Variants in ZNF385D observed in about 807,000 individuals in gnomAD.
ZNF385D encodes the protein zinc finger protein 385D, also known as zinc finger protein 659.
Under a neutral mutation model 35.8 loss-of-function variants are expected in ZNF385D, and 15 were observed. That is an observed-to-expected ratio of 0.42 (90% CI 0.28 to 0.64). ZNF385D has a LOEUF of 0.64. Among genes scored for constraint, ZNF385D ranks in the 30% least tolerant of loss-of-function variants. The pLI is 0.23. For synonymous variants in ZNF385D, 212 were observed against 186.8 expected, an observed-to-expected ratio of 1.13 and a Z score of -1.10; for missense variants, 474 against 494.6, an observed-to-expected ratio of 0.96 and a Z score of 0.39.
chr3:21,734,960 G>A (rs1023514424), intron 1 of ZNF385D, among the ~76,000 whole-genome samples: 2 of 152,148 alleles, frequency 1.3e-5, no homozygotes, highest in African/African-American at 4.8e-5. Flanking sequence ...TCATGCCTTT[G>A]GGACTCGTGT....
At chr3:21,712,587 A>G (rs956222682) in intron 1 of ZNF385D, among the ~76,000 whole-genome samples, 2 of 152,234 alleles carry the variant, frequency 1.3e-5, no homozygotes, top group Non-Finnish European at 2.9e-5. Flanking sequence ...ACACCGCTGT[A>G]AAATGACTTG....
intron 3 of ZNF385D, among the ~76,000 whole-genome samples, chr3:21,524,887 T>A (rs1229498244): frequency 1.3e-5 from 2 of 152,198 alleles, no homozygotes; most frequent in Admixed American, 1.3e-4. Flanking sequence ...ATATCTGAAC[T>A]AAGACTATTA....
chr3:22,289,970 C>G (rs1017665182), intron 2 of ZNF385D, among the ~76,000 whole-genome samples: 3 of 152,102 alleles, frequency 2.0e-5, no homozygotes, highest in African/African-American at 4.8e-5. Context: ...GAAAAAAACC[C>G]TCTATGGAAA....
Position 21,437,012 on chromosome 3 carries a change from C to T in ZNF385D, c.631G>A (p.Val211Ile). ...KRLLYCSLCKVAVNSASQLEA... is the reference protein window; with the variant it reads ...KRLLYCSLCKIAVNSASQLEA... ...AGCTGCGAGGCAGAGTTGACAGCAACCTTGCATAGCGAACAGTAAAGAAGC... is the reference window on the plus strand; with the variant it reads ...AGCTGCGAGGCAGAGTTGACAGCAATCTTGCATAGCGAACAGTAAAGAAGC... The change falls in exon 5 of 8, where the codon GTT becomes ATT. Residue 211 changes from valine to isoleucine, a missense_variant. Val to Ile is a conservative substitution (Grantham distance 29, BLOSUM62 3). Transcript: ENST00000281523. 6.2e-7 allele frequency: 1 copy of T among 1,613,948 alleles called. No homozygotes were observed. The highest frequency in any genetic ancestry group is 8.5e-7 in the Non-Finnish European group (1 of 1,179,886).
At chr3:21,659,287 A>T (rs1255725919) in intron 2 of ZNF385D, among the ~76,000 whole-genome samples, 1 of 152,160 alleles carries the variant, frequency 6.6e-6, no homozygotes, top group African/African-American at 2.4e-5. Context: ...TTAAGTAGTC[A>T]CATTTTTCAA....
intron 4 of ZNF385D, among the ~76,000 whole-genome samples, chr3:21,442,340 G>A (rs1010784749): frequency 5.3e-5 from 8 of 152,144 alleles, no homozygotes; most frequent in African/African-American, 1.9e-4. Context: ...ATGTTTTCCT[G>A]TAGATTGAAG....
chr3:22,084,066 A>G (rs1019822726), intron 3 of ZNF385D, among the ~76,000 whole-genome samples: 23 of 152,218 alleles, frequency 1.5e-4, no homozygotes, highest in Admixed American at 2.6e-4. Flanking sequence ...CTGTCTTACA[A>G]GAGCTCCTGA....
chr3:22,097,956 A>T (rs981200376), intron 3 of ZNF385D, among the ~76,000 whole-genome samples: 1 of 152,056 alleles, frequency 6.6e-6, no homozygotes, highest in Non-Finnish European at 1.5e-5. Flanking sequence ...TTGAACAAGG[A>T]TCATACTAAT....
At chr3:21,497,891 C>T (rs576269459) in intron 4 of ZNF385D, among the ~76,000 whole-genome samples, 6 of 151,938 alleles carry the variant, frequency 3.9e-5, no homozygotes, top group Non-Finnish European at 7.4e-5. Context: ...TCTTACGGAA[C>T]CAGAAAAGAA....
chr3:21,968,219 C>T (rs576478072), intron 3 of ZNF385D, among the ~76,000 whole-genome samples: 6 of 152,216 alleles, frequency 3.9e-5, no homozygotes, highest in Admixed American at 3.3e-4. Context: ...GCATTTAGAC[C>T]AGCCGTAGCC....
At chr3:22,210,820 C>T (rs539355979) in intron 2 of ZNF385D, among the ~76,000 whole-genome samples, 1 of 145,956 alleles carries the variant, frequency 6.9e-6, no homozygotes, top group South Asian at 2.1e-4. Context: ...TACTTGAAAG[C>T]AGGCCAAAAT....
intron 5 of ZNF385D, 24 bp from the exon 6 acceptor site, chr3:21,425,694 G>A: frequency 2.0e-6 from 3 of 1,478,494 alleles, no homozygotes; most frequent in Non-Finnish European, 1.8e-6. Flanking sequence ...TGAAATGAAG[G>A]AAGGAAAGGA....
chr3:22,216,432 T>C (rs1697889951), intron 2 of ZNF385D, among the ~76,000 whole-genome samples: 1 of 152,026 alleles, frequency 6.6e-6, no homozygotes, highest in Admixed American at 6.6e-5. Context: ...AAACATTCCA[T>C]GATGGCAGTG....
Position 22,132,753 on chromosome 3 carries a change from T to C in ZNF385D, c.325+36064A>G, listed in dbSNP as rs969879516. Among the ~76,000 whole-genome samples the C allele has an allele frequency of 3.9e-5, 6 of 152,254 alleles. No homozygotes were observed. In the East Asian group the frequency reaches 5.8e-4, roughly 15 times the overall value. On this transcript the variant is annotated intron_variant, in intron 3 of 5. Transcript: ENST00000494108. The stretch of plus-strand genomic sequence containing the variant: ...GTAATATTATAAATACTTAATAATT[T>C]ACCCATGTCTTTATCTAAAAGGCAC...
chr3:21,604,152 C>T (rs545786909), intron 2 of ZNF385D, among the ~76,000 whole-genome samples: 47 of 152,216 alleles, frequency 3.1e-4, no homozygotes, highest in Admixed American at 1.5e-3. Flanking sequence ...GTGTTTATTA[C>T]TGTAGGCAAA....
intron 3 of ZNF385D, among the ~76,000 whole-genome samples, chr3:21,895,942 T>C (rs938935019): frequency 6.6e-6 from 1 of 152,146 alleles, no homozygotes; most frequent in African/African-American, 2.4e-5. Flanking sequence ...TTGTAGAACT[T>C]TTTAAAATGT....
chr3:21,470,957 C>G (rs1292015920), intron 4 of ZNF385D, among the ~76,000 whole-genome samples: 1 of 151,956 alleles, frequency 6.6e-6, no homozygotes, highest in Non-Finnish European at 1.5e-5. Flanking sequence ...TAGTGGGGCT[C>G]CAAATTCATA....
intron 3 of ZNF385D, among the ~76,000 whole-genome samples, chr3:21,872,096 TATC>T (rs1340153767): frequency 1.2e-4 from 18 of 152,196 alleles, no homozygotes; most frequent in Admixed American, 2.0e-4. Context: ...TTATATTTTA[TATC>T]ATCCTATTTA....
At chr3:21,783,509 G>A (rs1446237048) in intron 3 of ZNF385D, among the ~76,000 whole-genome samples, 1 of 152,030 alleles carries the variant, frequency 6.6e-6, no homozygotes, top group African/African-American at 2.4e-5. Context: ...TTTATCGACT[G>A]CCTACCTAGA....
Sources: gnomAD v4.1 joint callset for allele counts (sites outside exome capture counted in the v4.1 genomes callset) on GRCh38, gnomAD v4.1.1 for gene constraint, MANE v1.5 for transcripts, NCBI Gene and HGNC (gene_info 2026-07-23, HGNC 2026-07-21) for gene names.